Variants in NETO1 observed in about 807,000 individuals in gnomAD.
NETO1 encodes the protein neuropilin and tolloid-like protein 1.
A neutral mutation model predicts 61.3 loss-of-function variants in NETO1; 26 were observed. That is an observed-to-expected ratio of 0.42 (90% CI 0.31 to 0.59). NETO1 has a LOEUF of 0.59. Ranked by LOEUF, NETO1 falls within the 20% of genes least tolerant of loss-of-function variation. The pLI is 0.12. For missense variants in NETO1, 531 were observed against 662.8 expected (o/e 0.80, Z 2.18); for synonymous variants, 225 against 225.8 (o/e 1.00, Z 0.03).
intron 4 of NETO1, among the ~76,000 whole-genome samples, chr18:72,838,992 G>A (rs903162315): frequency 6.6e-6 from 1 of 152,092 alleles, no homozygotes; most frequent in African/African-American, 2.4e-5. Flanking sequence ...AACAGATAAA[G>A]CATAAATGAT....
intron 4 of NETO1, among the ~76,000 whole-genome samples, chr18:72,804,661 A>G (rs547742527): frequency 4.5e-4 from 69 of 152,332 alleles, no homozygotes; most frequent in African/African-American, 1.6e-3. Context: ...ATGCCATTAT[A>G]TCACAGAATA....
rs2070431494 is a variant in NETO1 at position 72,746,345 on chromosome 18, A to G, written c.*1834T>C. Among the ~76,000 whole-genome samples the G allele has an allele frequency of 6.6e-6, 1 of 152,152 alleles. No homozygotes were observed. Among genetic ancestry groups the G allele is most frequent in the South Asian group, 2.1e-4 (1 of 4,824 alleles). On this transcript the variant is annotated 3_prime_UTR_variant, in exon 11 of 11. Transcript: ENST00000327305. ...AAAGGGCAAAAAAGGAACCATGGTA[A>G]TAAATAAACCAGTCAAGCCAAATAA...
At chr18:72,788,906 A>G (rs1375560636) in intron 6 of NETO1, among the ~76,000 whole-genome samples, 1 of 152,136 alleles carries the variant, frequency 6.6e-6, no homozygotes, top group African/African-American at 2.4e-5. Flanking sequence ...GAAAATAGAC[A>G]TTATTTGAGG....
chr18:72,828,272 T>C (rs1473162794), intron 4 of NETO1, among the ~76,000 whole-genome samples: 1 of 151,886 alleles, frequency 6.6e-6, no homozygotes. Flanking sequence ...GATCGCACCA[T>C]TGCACTCCAT....
rs57504107 is a variant in NETO1 at position 72,787,096 on chromosome 18, A to G, written c.640-3190T>C. ...TTGTTTACTTTTGTTTACTTTTTTG[A>G]CTAAAAGTAAACAAACTGAAAACAC... On this transcript the variant is annotated intron_variant, in intron 6 of 10. Coordinates refer to ENST00000327305, the MANE Select transcript of NETO1 (RefSeq NM_138966.5). 2.8e-3 allele frequency among the ~76,000 whole-genome samples: 418 copies of G among 148,830 alleles called. 15 individuals are homozygous for G. In the East Asian group the frequency reaches 0.076, roughly 27 times the overall value.
rs185825866 is a variant in NETO1 at position 72,788,942 on chromosome 18, G to C, written c.640-5036C>G. 3.8e-3 allele frequency among the ~76,000 whole-genome samples: 571 copies of C among 152,142 alleles called. 1 individual carries two copies. The highest frequency in any genetic ancestry group is 5.3e-3 in the Non-Finnish European group (362 of 67,998). ...CAATTATTTACCACTTGCCAGAACAGTTTTCTCCTTAATAAGTAAAAATTA... is the reference window on the plus strand; with the variant it reads ...CAATTATTTACCACTTGCCAGAACACTTTTCTCCTTAATAAGTAAAAATTA... On this transcript the variant is annotated intron_variant, in intron 6 of 10. Transcript: ENST00000327305.
At chr18:72,835,907 A>G (rs930339000) in intron 4 of NETO1, among the ~76,000 whole-genome samples, 2 of 152,236 alleles carry the variant, frequency 1.3e-5, no homozygotes, top group African/African-American at 4.8e-5. Context: ...AAATACGTAA[A>G]GAGATAATTA....
At chr18:72,832,200 G>T (rs746950303) in intron 4 of NETO1, among the ~76,000 whole-genome samples, 5 of 151,844 alleles carry the variant, frequency 3.3e-5, no homozygotes, top group Non-Finnish European at 5.9e-5. Context: ...AAAATTTGAG[G>T]CCATATAAAA....
intron 3 of NETO1, 126 bp downstream of exon 3, chr18:72,864,682 A>C: frequency 8.3e-7 from 1 of 1,208,716 alleles, no homozygotes; most frequent in Non-Finnish European, 1.2e-6. Context: ...TTCACTCAAG[A>C]GATATTTTTG....
rs376561666 is a variant in NETO1 at position 72,865,616 on chromosome 18, G to T, written c.29-375C>A. The T allele has an allele frequency of 1.7e-5, 28 of 1,600,834 alleles. No individual in the cohort carries two copies. The African/African-American group carries it at 3.5e-4, about 20-fold the overall frequency. ...CCAGCATCTCTGAATGAAGAGAGGG[G>T]CCAGAAGGTAAAAAGGAGGAAAAGG... On this transcript the variant is annotated intron_variant, in intron 1 of 10. Transcript: ENST00000327305.
chr18:72,851,897 C>T (rs2074261648), intron 4 of NETO1, among the ~76,000 whole-genome samples: 1 of 152,158 alleles, frequency 6.6e-6, no homozygotes. Flanking sequence ...ATAACTGATA[C>T]ACAAGTAGTA....
intron 4 of NETO1, among the ~76,000 whole-genome samples, chr18:72,811,877 G>A (rs1334971807): frequency 6.6e-6 from 1 of 152,158 alleles, no homozygotes. Flanking sequence ...TTTGGTTCTT[G>A]GAGACCTTTC....
chr18:72,819,814 T>C (rs371459986), intron 4 of NETO1, among the ~76,000 whole-genome samples: 5 of 152,224 alleles, frequency 3.3e-5, no homozygotes, highest in Admixed American at 6.5e-5. Context: ...AAAAAATATA[T>C]ACTTTTTAAA....
At chr18:72,756,875 CATG>C (rs2070802099) in intron 7 of NETO1, among the ~76,000 whole-genome samples, 1 of 151,822 alleles carries the variant, frequency 6.6e-6, no homozygotes, top group South Asian at 2.1e-4. Flanking sequence ...GATGAGAAAA[CATG>C]AGTTTAATAT....
intron 4 of NETO1, among the ~76,000 whole-genome samples, chr18:72,799,817 T>G (rs1164909276): frequency 2.0e-5 from 3 of 152,242 alleles, no homozygotes; most frequent in Admixed American, 1.3e-4. Context: ...ACTCCAGAGA[T>G]TTCTTGTAGA....
intron 4 of NETO1, among the ~76,000 whole-genome samples, chr18:72,858,073 T>C (rs1212550017): frequency 3.3e-5 from 5 of 152,324 alleles, no homozygotes; most frequent in African/African-American, 4.8e-5. Flanking sequence ...AAATGGGCTT[T>C]ATGTAATTTG....
chr18:72,834,260 A>G, intron 4 of NETO1: 1 of 769,924 alleles, frequency 1.3e-6, no homozygotes, highest in Non-Finnish European at 1.6e-6. Context: ...TTAAAATGAT[A>G]ATATTGACTA....
intron 8 of NETO1, among the ~76,000 whole-genome samples, chr18:72,750,897 AC>A (rs2070585440): frequency 1.3e-5 from 2 of 150,636 alleles, no homozygotes; most frequent in Non-Finnish European, 3.0e-5. Flanking sequence ...ACACACACAC[AC>A]ACACACACAC....
At chr18:72,865,342 A>C in intron 1 of NETO1, 101 bp from the exon 2 acceptor site, 2 of 1,215,796 alleles carry the variant, frequency 1.6e-6, no homozygotes, top group Non-Finnish European at 2.3e-6. Flanking sequence ...AAAGCAGATT[A>C]ATTTTTTCAT....
Sources: gnomAD v4.1 joint callset for allele counts (sites outside exome capture counted in the v4.1 genomes callset) on GRCh38, gnomAD v4.1.1 for gene constraint, MANE v1.5 for transcripts, NCBI Gene and HGNC (gene_info 2026-07-23, HGNC 2026-07-21) for gene names.